The following DAB1 variants were observed in gnomAD, a reference collection of about 807,000 sequenced individuals.
DAB1 encodes the protein DAB adaptor protein 1, also known as disabled homolog 1.
Under a neutral mutation model 64.6 loss-of-function variants are expected in DAB1, and 15 were observed. The observed-to-expected ratio is 0.23, with a 90% CI of 0.16 to 0.36. The LOEUF is 0.36. Among genes scored for constraint, DAB1 ranks in the 10% least tolerant of loss-of-function variants. The pLI is 1.00. For synonymous variants in DAB1, 235 were observed against 251.9 expected, an observed-to-expected ratio of 0.93 and a Z score of 0.64; for missense variants, 596 against 706.7, an observed-to-expected ratio of 0.84 and a Z score of 1.78.
chr1:58,137,867 T>A (rs929206876), intron 5 of DAB1, among the ~76,000 whole-genome samples: 1 of 152,134 alleles, frequency 6.6e-6, no homozygotes, highest in African/African-American at 2.4e-5. Flanking sequence ...GAGGTTGTCA[T>A]AGGTTTCAGC....
chr1:57,466,511 G>A (rs539068548), intron 7 of DAB1, among the ~76,000 whole-genome samples: 9 of 152,214 alleles, frequency 5.9e-5, no homozygotes, highest in Non-Finnish European at 7.4e-5. Context: ...AGATAAATAC[G>A]TATTAGTTTT....
intron 6 of DAB1, among the ~76,000 whole-genome samples, chr1:57,806,166 A>C (rs1190996503): frequency 6.6e-6 from 1 of 151,938 alleles, no homozygotes; most frequent in Non-Finnish European, 1.5e-5. Flanking sequence ...TGTTCACTCT[A>C]CTTAGTCATG....
intron 3 of DAB1, among the ~76,000 whole-genome samples, chr1:58,427,711 G>A (rs912104700): frequency 2.0e-5 from 3 of 152,146 alleles, no homozygotes; most frequent in Non-Finnish European, 4.4e-5. Context: ...CCAGGAATTT[G>A]GGGATCCAGT....
At chr1:58,413,574 ACTC>A (rs1206853491) in intron 3 of DAB1, among the ~76,000 whole-genome samples, 2 of 151,930 alleles carry the variant, frequency 1.3e-5, no homozygotes, top group Non-Finnish European at 2.9e-5. Context: ...ATCTGTGTCT[ACTC>A]CTGGTGGCTT....
At chr1:57,595,071 G>T (rs1035988750) in intron 7 of DAB1, among the ~76,000 whole-genome samples, 4 of 151,968 alleles carry the variant, frequency 2.6e-5, no homozygotes, top group African/African-American at 9.7e-5. Context: ...TATAGCTGTT[G>T]ATTTTTAAAA....
chr1:57,686,843 C>A (rs1299958384), intron 6 of DAB1, among the ~76,000 whole-genome samples: 1 of 152,086 alleles, frequency 6.6e-6, no homozygotes, highest in African/African-American at 2.4e-5. Context: ...TGATAGAATC[C>A]AACATCCTTT....
intron 1 of DAB1, 51 bp downstream of exon 1, chr1:57,423,879 C>A (rs1471954717): frequency 6.6e-6 from 1 of 152,030 alleles, no homozygotes; most frequent in African/African-American, 2.4e-5. Context: ...CCTCGCGGGG[C>A]ACCTGCGGCG....
At chr1:58,426,430 C>T (rs1165284826) in intron 3 of DAB1, among the ~76,000 whole-genome samples, 1 of 152,166 alleles carries the variant, frequency 6.6e-6, no homozygotes, top group African/African-American at 2.4e-5. Flanking sequence ...TATTAAGTAC[C>T]TACTACATAC....
At chr1:57,806,859 A>AT (rs1651387262) in intron 6 of DAB1, among the ~76,000 whole-genome samples, 2 of 152,286 alleles carry the variant, frequency 1.3e-5, no homozygotes, top group South Asian at 4.1e-4. Flanking sequence ...TCTTTAAAAC[A>AT]TGTTTTATAT....
At chr1:57,576,231 C>G (rs560646225) in intron 7 of DAB1, among the ~76,000 whole-genome samples, 4 of 152,056 alleles carry the variant, frequency 2.6e-5, no homozygotes, top group Admixed American at 6.6e-5. Context: ...ATGTTCTGAG[C>G]ACACATAAGG....
intron 4 of DAB1, among the ~76,000 whole-genome samples, chr1:58,179,707 C>A (rs2100781010): frequency 6.6e-6 from 1 of 151,780 alleles, no homozygotes; most frequent in African/African-American, 2.4e-5. Context: ...TTTTCATTTG[C>A]CTTTTGTCTC....
intron 4 of DAB1, among the ~76,000 whole-genome samples, chr1:58,214,886 G>A (rs776254657): frequency 6.6e-6 from 1 of 152,146 alleles, no homozygotes; most frequent in Non-Finnish European, 1.5e-5. Context: ...TACCTAGAGT[G>A]AGTGAGCAAT....
chr1:57,709,858 T>C (rs7533800), intron 6 of DAB1, among the ~76,000 whole-genome samples: 46,137 of 152,008 alleles, frequency 0.3, 7,179 homozygotes, highest in East Asian at 0.45. Context: ...AAAGGGAAGA[T>C]GGAGCCTCCA....
chr1:57,648,108 T>C (rs913942316), intron 7 of DAB1, among the ~76,000 whole-genome samples: 7 of 152,306 alleles, frequency 4.6e-5, no homozygotes, highest in Non-Finnish European at 8.8e-5. Context: ...CCAAATTCAC[T>C]CTACCTCAGA....
chr1:58,032,602 G>C (rs1242650736), intron 5 of DAB1, among the ~76,000 whole-genome samples: 24 of 152,134 alleles, frequency 1.6e-4, no homozygotes, highest in Non-Finnish European at 1.2e-4. Flanking sequence ...GTTGTCATCT[G>C]TGTTTCACGA....
At chr1:58,427,004 G>A (rs1382178169) in intron 3 of DAB1, among the ~76,000 whole-genome samples, 2 of 152,192 alleles carry the variant, frequency 1.3e-5, no homozygotes, top group South Asian at 2.1e-4. Context: ...ATATTTCTGG[G>A]AAGAGGAACA....
intron 4 of DAB1, among the ~76,000 whole-genome samples, chr1:57,086,644 AACACACACACACACACACAC>A (rs368060919): frequency 8.4e-6 from 1 of 118,530 alleles, no homozygotes; most frequent in South Asian, 3.2e-4. Flanking sequence ...TTCTGTCTTA[AACACACACACACACACACAC>A]ACACACACAC....
intron 7 of DAB1, among the ~76,000 whole-genome samples, chr1:57,472,048 G>A (rs943432432): frequency 2.6e-5 from 4 of 152,312 alleles, no homozygotes; most frequent in Non-Finnish European, 4.4e-5. Context: ...AGGAGATCAG[G>A]AAAAATATTG....
At chr1:57,078,343 C>T (rs1437967075) in intron 4 of DAB1, among the ~76,000 whole-genome samples, 1 of 152,140 alleles carries the variant, frequency 6.6e-6, no homozygotes, top group Non-Finnish European at 1.5e-5. Flanking sequence ...CAAGCTCTAC[C>T]ATTTACTAGA....
Sources: gnomAD v4.1 joint callset for allele counts (sites outside exome capture counted in the v4.1 genomes callset) on GRCh38, gnomAD v4.1.1 for gene constraint, MANE v1.5 for transcripts, NCBI Gene and HGNC (gene_info 2026-07-23, HGNC 2026-07-21) for gene names.